The following GRIN2B variants were observed in gnomAD, a reference collection of about 807,000 sequenced individuals.
The protein encoded by GRIN2B is glutamate ionotropic receptor NMDA type subunit 2B.
Under a neutral mutation model 114.5 loss-of-function variants are expected in GRIN2B, and 5 were observed. The ratio of observed to expected loss-of-function variants is 0.04; its 90% CI spans 0.02 to 0.09. The LOEUF (loss-of-function observed/expected upper bound fraction) is 0.09, where lower values mean the gene tolerates loss of function less well. GRIN2B is among the 10% of genes least tolerant of loss of function. GRIN2B has a pLI of 1.00. For synonymous variants in GRIN2B, 787 were observed against 745.1 expected, an observed-to-expected ratio of 1.06 and a Z score of -0.92; for missense variants, 1,108 against 1,943.5, an observed-to-expected ratio of 0.57 and a Z score of 8.08.
intron 4 of GRIN2B, among the ~76,000 whole-genome samples, chr12:13,730,067 C>T (rs904503901): frequency 3.3e-5 from 5 of 151,448 alleles, no homozygotes; most frequent in African/African-American, 1.2e-4. Flanking sequence ...CAGATAATTT[C>T]CTTCCTCCTA....
In GRIN2B at chr12:13,564,873, T is replaced by G. The variant is rs1948617906; in HGVS notation, c.2599-234A>C. ...GACCTGGCCATCAGAGGGGGGGGCA[T>G]GGCCCCACCCAGTAACTTGAGCAAA... On this transcript the variant is annotated intron_variant, in intron 13 of 13. Coordinates refer to ENST00000609686, the MANE Select transcript of GRIN2B (RefSeq NM_000834.5). This position sits in a 1 kb window ranked among gnomAD's most constrained non-coding sequence, Gnocchi z 4.8. Among the ~76,000 whole-genome samples the G allele has an allele frequency of 6.6e-6, 1 of 152,124 alleles. No homozygotes were observed. The highest frequency in any genetic ancestry group is 2.4e-5 in the African/African-American group (1 of 41,428).
At chr12:13,747,768 C>T (rs1863412624) in intron 4 of GRIN2B, among the ~76,000 whole-genome samples, 1 of 152,224 alleles carries the variant, frequency 6.6e-6, no homozygotes, top group Non-Finnish European at 1.5e-5. Flanking sequence ...TACCATAAAT[C>T]TGCCTGTGCT....
intron 4 of GRIN2B, among the ~76,000 whole-genome samples, chr12:13,687,996 A>T (rs1950185937): frequency 6.6e-6 from 1 of 152,224 alleles, no homozygotes; most frequent in Admixed American, 6.6e-5. Context: ...TTTATTGAGC[A>T]CATGCCTAGC....
At chr12:13,840,646 A>T (rs1865361913) in intron 3 of GRIN2B, among the ~76,000 whole-genome samples, 1 of 152,244 alleles carries the variant, frequency 6.6e-6, no homozygotes, top group African/African-American at 2.4e-5. Flanking sequence ...TAAAAAATAA[A>T]GCACACAGCA....
At chr12:13,597,595 C>T (rs1034854052) in intron 10 of GRIN2B, among the ~76,000 whole-genome samples, 12 of 152,218 alleles carry the variant, frequency 7.9e-5, no homozygotes, top group African/African-American at 2.9e-4. Flanking sequence ...CCAATAGGAA[C>T]CTCAAATGGG....
In GRIN2B at chr12:13,539,608, A is replaced by C. The variant is rs1948252747; in HGVS notation, c.*23175T>G. 1 of 151,442 alleles carries C rather than the reference A, an allele frequency of 6.6e-6. No individual in the cohort carries two copies. The highest frequency in any genetic ancestry group is 2.4e-5 in the African/African-American group (1 of 41,016). The allele number at this position is 151,442 out of a possible 1,614,324, so 9.4% of individuals were successfully genotyped here. Reference sequence around the variant, plus strand: ...TTTTCTGACACCTCCAAGCAATGGAAGTATGCATTAAAGAGTAAAACAATT... The same window carrying C: ...TTTTCTGACACCTCCAAGCAATGGACGTATGCATTAAAGAGTAAAACAATT... On this transcript the variant is annotated 3_prime_UTR_variant, in exon 14 of 14. Coordinates refer to ENST00000609686, the MANE Select transcript of GRIN2B (RefSeq NM_000834.5).
chr12:13,954,002 T>C lies in GRIN2B; in HGVS notation c.-19+25926A>G, dbSNP rs556927361. Among the ~76,000 whole-genome samples the C allele has an allele frequency of 6.6e-5, 10 of 152,348 alleles. No individual in the cohort carries two copies. The South Asian group carries it at 1.7e-3, about 25-fold the overall frequency. Reference sequence around the variant, plus strand: ...TGGGATTTGAAAAGCATGTAGACTATTGACATAGTTTCAAAACCTTGGAAT... The same window carrying C: ...TGGGATTTGAAAAGCATGTAGACTACTGACATAGTTTCAAAACCTTGGAAT... On this transcript the variant is annotated intron_variant, in intron 2 of 13. Coordinates refer to ENST00000609686, the MANE Select transcript of GRIN2B (RefSeq NM_000834.5).
At chr12:13,574,368 A>G (rs1220817617) in intron 10 of GRIN2B, among the ~76,000 whole-genome samples, 1 of 152,270 alleles carries the variant, frequency 6.6e-6, no homozygotes, top group Non-Finnish European at 1.5e-5. Context: ...GTAGATAGCA[A>G]TACAACTAAT....
chr12:13,904,307 T>C (rs1439576522), intron 2 of GRIN2B, among the ~76,000 whole-genome samples: 1 of 152,092 alleles, frequency 6.6e-6, no homozygotes, highest in African/African-American at 2.4e-5. Flanking sequence ...ACTTGGTTTC[T>C]GGTGTCTTAG....
intron 10 of GRIN2B, among the ~76,000 whole-genome samples, chr12:13,585,765 CAG>C (rs1948914082): frequency 6.6e-6 from 1 of 152,284 alleles, no homozygotes; most frequent in South Asian, 2.1e-4. Context: ...GAGGAGGAAA[CAG>C]AGGCCTGGGA....
chr12:13,734,527 T>C (rs1312261499), intron 4 of GRIN2B, among the ~76,000 whole-genome samples: 9 of 152,236 alleles, frequency 5.9e-5, no homozygotes. Context: ...CACATGAAGA[T>C]GGCATATTTA....
chr12:13,622,714 G>C (rs570235573), intron 5 of GRIN2B, among the ~76,000 whole-genome samples: 4 of 151,780 alleles, frequency 2.6e-5, no homozygotes, highest in South Asian at 4.1e-4. Flanking sequence ...CACGCAGAAG[G>C]CAGAAGGGCA....
chr12:13,889,105 A>C (rs1263129690), intron 2 of GRIN2B, among the ~76,000 whole-genome samples: 1 of 152,174 alleles, frequency 6.6e-6, no homozygotes, highest in Non-Finnish European at 1.5e-5. Context: ...TTTCTATTTT[A>C]AAAATTATTT....
At chr12:13,720,226 G>A (rs76351954) in intron 4 of GRIN2B, among the ~76,000 whole-genome samples, 4,685 of 152,092 alleles carry the variant, frequency 0.031, 163 homozygotes, top group African/African-American at 0.091. Flanking sequence ...ATCTGTCACA[G>A]GGTGTCTGGC....
At chr12:13,805,502 G>A (rs1358326982) in intron 3 of GRIN2B, among the ~76,000 whole-genome samples, 1 of 152,094 alleles carries the variant, frequency 6.6e-6, no homozygotes, top group Non-Finnish European at 1.5e-5. Flanking sequence ...AATCCCCATG[G>A]GGAGGTGTTT....
chr12:13,614,572 G>A (rs1380844830), intron 8 of GRIN2B, among the ~76,000 whole-genome samples: 1 of 152,112 alleles, frequency 6.6e-6, no homozygotes. Context: ...GGGGAGGGGT[G>A]CAGTGGGGTG....
chr12:13,589,866 C>T (rs1948982251), intron 10 of GRIN2B, among the ~76,000 whole-genome samples: 1 of 152,138 alleles, frequency 6.6e-6, no homozygotes, highest in African/African-American at 2.4e-5. Flanking sequence ...CTCTCCCAAA[C>T]TCACATCTAA....
intron 5 of GRIN2B, among the ~76,000 whole-genome samples, chr12:13,617,308 C>T (rs566806563): frequency 2.6e-5 from 4 of 152,212 alleles, no homozygotes; most frequent in Non-Finnish European, 5.9e-5. Context: ...CAGATGTGCA[C>T]CTCCTGGGCT....
chr12:13,970,847 T>A (rs763630037), intron 2 of GRIN2B, among the ~76,000 whole-genome samples: 66 of 152,130 alleles, frequency 4.3e-4, no homozygotes, highest in Non-Finnish European at 9.1e-4. Context: ...TCTTCCTATG[T>A]GAACTGAAGG....
Sources: allele counts gnomAD v4.1 joint callset (sites outside exome capture counted in the v4.1 genomes callset), GRCh38; gene constraint gnomAD v4.1.1; non-coding constraint Gnocchi (gnomAD v3.1); transcripts MANE v1.5; gene names NCBI Gene and HGNC (gene_info 2026-07-23, HGNC 2026-07-21).